TARBP1: variants seen among roughly 807,000 people sequenced by gnomAD.
The protein encoded by TARBP1 is tRNA (guanosine(18)-2'-O)-methyltransferase TARBP1.
Under a neutral mutation model 178.6 loss-of-function variants are expected in TARBP1, and 144 were observed. That is an observed-to-expected ratio of 0.81 (90% CI 0.70 to 0.93). The LOEUF (loss-of-function observed/expected upper bound fraction) is 0.93. TARBP1 is among the 40% of genes least tolerant of loss of function. TARBP1 has a pLI of 0.00. For synonymous variants in TARBP1, 787 were observed against 781.0 expected, an observed-to-expected ratio of 1.01 and a Z score of -0.13; for missense variants, 2,067 against 2,011.7, an observed-to-expected ratio of 1.03 and a Z score of -0.53.
chr1:234,459,131 T>C (rs1015268870), intron 8 of TARBP1, 99 bp downstream of exon 8: 6 of 771,276 alleles, frequency 7.8e-6, no homozygotes, highest in Non-Finnish European at 1.3e-5. Context: ...AAGCAGGCCT[T>C]TCTAATGGCA....
At chr1:234,399,544 A>C (rs199854349) in intron 25 of TARBP1, among the ~76,000 whole-genome samples, 3 of 152,100 alleles carry the variant, frequency 2.0e-5, no homozygotes, top group African/African-American at 7.3e-5. Flanking sequence ...GGGTATATAC[A>C]CAAGGACTAT....
Position 234,478,969 on chromosome 1 carries a change from G to C in TARBP1, c.135C>G (p.Asp45Glu), listed in dbSNP as rs1165488005. ...CGCCCCCGCTGCCGCGCGCCTCCTC[G>C]TCCTCGAGCCGCTGCAGAAGGAAGC... is the stretch of plus-strand genomic sequence containing the variant. ...TLRFLLQRLEDEEARGSGGAG... is the reference protein window; with the variant it reads ...TLRFLLQRLEEEEARGSGGAG... Residue 45 changes from aspartate (D) to glutamate (E), a missense_variant, in exon 1 of 30, where the codon GAC (aspartate) becomes GAG (glutamate). Transcript: ENST00000040877. 3.4e-6 allele frequency: 5 copies of C among 1,470,022 alleles called. No individual in the cohort carries two copies. Among genetic ancestry groups the C allele is most frequent in the African/African-American group, 2.9e-5 (2 of 67,906 alleles). 91.1% of individuals were successfully genotyped at this position (1,470,022 alleles called of 1,614,324 possible). A position where few individuals can be genotyped will look rare whatever the true frequency, so the allele number is the denominator to read the frequency against.
intron 5 of TARBP1, among the ~76,000 whole-genome samples, 187 bp from the exon 6 acceptor site, chr1:234,464,121 C>T (rs1668189174): frequency 6.6e-6 from 1 of 152,144 alleles, no homozygotes; most frequent in Admixed American, 6.5e-5. Flanking sequence ...ACAGAAACAT[C>T]AGGAACTTGT....
At position 234,461,038 on chromosome 1, in the gene TARBP1, G is replaced by A. The variant is rs543378275; in HGVS notation, c.1400-642C>T. On this transcript the variant is annotated intron_variant, in intron 6 of 29. Coordinates refer to ENST00000040877, the MANE Select transcript of TARBP1 (RefSeq NM_005646.4). ...TGGCTGCCAGGAGCTATGGGTAGAA[G>A]AGAATGAGAAGCGACTATTAACACA... 1.2e-3 allele frequency among the ~76,000 whole-genome samples: 181 copies of A among 152,300 alleles called. 1 individual carries two copies. Among genetic ancestry groups the A allele is most frequent in the Non-Finnish European group, 2.1e-3 (141 of 68,026 alleles).
chr1:234,448,476 T>C lies in TARBP1; in HGVS notation c.1961+4A>G. 1.9e-6 allele frequency: 3 copies of C among 1,610,874 alleles called. No individual in the cohort carries two copies. Among genetic ancestry groups the C allele is most frequent in the Non-Finnish European group, 2.5e-6 (3 of 1,177,442 alleles). On this transcript the variant is annotated splice_donor_region_variant and intron_variant, in intron 11 of 29. Transcript: ENST00000040877. ...GCTTTCTTTTCAATTACAGAAACAA[T>C]TACCTATACTGAGTCTTCATTCCTT...
chr1:234,475,411 C>T (rs1669482024), intron 1 of TARBP1, among the ~76,000 whole-genome samples: 1 of 152,208 alleles, frequency 6.6e-6, no homozygotes, highest in African/African-American at 2.4e-5. Flanking sequence ...TGACACTAGG[C>T]GAATGCATCT....
chr1:234,478,496 C>G lies in TARBP1; in HGVS notation c.608G>C (p.Gly203Ala). 1 of 1,391,030 alleles carries G rather than the reference C, an allele frequency of 7.2e-7. No homozygotes were observed. The highest frequency in any genetic ancestry group is 9.3e-7 in the Non-Finnish European group (1 of 1,069,560). The allele number at this position is 1,391,030 out of a possible 1,614,324, so 86.2% of individuals were successfully genotyped here. A position where few individuals can be genotyped will look rare whatever the true frequency, so the allele number is the denominator to read the frequency against. ...GRLLPVLVQC[G>A]GAALRAVWGG... ...CCACACGGCCCGCAGCGCCGCCCCGCCACATTGGACCAGCACTGGCAGCAG... is the reference window on the plus strand; with the variant it reads ...CCACACGGCCCGCAGCGCCGCCCCGGCACATTGGACCAGCACTGGCAGCAG... The change falls in exon 1 of 30, where the codon GGC (glycine) becomes GCC (alanine). Residue 203 changes from glycine (G) to alanine (A), a missense_variant. Physicochemically the swap from Gly to Ala is moderately conservative, Grantham distance 60. Transcript: ENST00000040877.
intron 20 of TARBP1, among the ~76,000 whole-genome samples, chr1:234,422,839 C>T (rs967661856): frequency 6.6e-6 from 1 of 152,172 alleles, no homozygotes; most frequent in Non-Finnish European, 1.5e-5. Flanking sequence ...CAAAATATCT[C>T]ATACACCCCA....
intron 22 of TARBP1, among the ~76,000 whole-genome samples, chr1:234,416,411 CT>C (rs1180912719): frequency 1.3e-5 from 2 of 152,208 alleles, no homozygotes; most frequent in Non-Finnish European, 2.9e-5. Context: ...ATTCTCCTGC[CT>C]CAGCCTCCCA....
At chr1:234,474,326 A>G (rs896081762) in intron 1 of TARBP1, among the ~76,000 whole-genome samples, 6 of 152,016 alleles carry the variant, frequency 3.9e-5, no homozygotes, top group Non-Finnish European at 7.4e-5. Flanking sequence ...ATCCAAAATC[A>G]TAGAAAATCC....
At chr1:234,428,280 T>A (rs900316945) in intron 17 of TARBP1, among the ~76,000 whole-genome samples, 2 of 151,978 alleles carry the variant, frequency 1.3e-5, no homozygotes, top group African/African-American at 4.8e-5. Flanking sequence ...CAAATGAAAA[T>A]ACCTCCAGAA....
chr1:234,473,015 T>C (rs559035289), intron 1 of TARBP1, among the ~76,000 whole-genome samples: 118 of 152,242 alleles, frequency 7.8e-4, no homozygotes, highest in Middle Eastern at 6.8e-3. Context: ...TTTGGAGTTC[T>C]GGGTAAAAAT....
chr1:234,435,434 A>G (rs889047653), intron 13 of TARBP1, among the ~76,000 whole-genome samples: 2 of 152,250 alleles, frequency 1.3e-5, no homozygotes, highest in African/African-American at 4.8e-5. Flanking sequence ...GTGGGCCGAC[A>G]TCATGCCACT....
At chr1:234,406,736 T>C (rs1404905577) in intron 23 of TARBP1, 2 of 152,300 alleles carry the variant, frequency 1.3e-5, no homozygotes, top group Non-Finnish European at 2.9e-5. Context: ...AGCAATCCCT[T>C]GCTTTCTAAA....
At chr1:234,435,807 T>C (rs1397012139) in intron 13 of TARBP1, among the ~76,000 whole-genome samples, 4 of 152,154 alleles carry the variant, frequency 2.6e-5, no homozygotes, top group Non-Finnish European at 5.9e-5. Context: ...CCAGCCAGCA[T>C]CGCAAAGACC....
In TARBP1 at chr1:234,433,497, C is replaced by T. The variant is rs1166005030; in HGVS notation, c.2307G>A (p.Gly769=). The T allele has an allele frequency of 2.5e-6, 4 of 1,613,968 alleles. No homozygotes were observed. The African/African-American group carries it at 4.0e-5, about 16-fold the overall frequency. ...TELINLHLKV[G]WKRGNPIWRV... is the part of the protein sequence containing the mutation. ...TCCAGATAGGGTTACCCCTTTTCCA[C>T]CCAACCTTCAAATGCAGATTTATAA... The change falls in exon 14 of 30, where the codon GGG becomes GGA. Residue 769 remains glycine (G), a synonymous_variant. Transcript: ENST00000040877.
At chr1:234,423,743 T>A (rs1428536314) in intron 20 of TARBP1, among the ~76,000 whole-genome samples, 1 of 148,554 alleles carries the variant, frequency 6.7e-6, no homozygotes, top group Non-Finnish European at 1.5e-5. Context: ...CTCTCTTTTT[T>A]CTGAATTTTT....
intron 6 of TARBP1, among the ~76,000 whole-genome samples, chr1:234,461,494 G>A (rs1175775811): frequency 6.6e-6 from 1 of 152,016 alleles, no homozygotes; most frequent in Admixed American, 6.5e-5. Flanking sequence ...TTTTAGTAGA[G>A]ACGGGGTTTG....
chr1:234,430,754 T>G (rs554130712), intron 14 of TARBP1, among the ~76,000 whole-genome samples: 54 of 152,252 alleles, frequency 3.5e-4, no homozygotes, highest in African/African-American at 1.2e-3. Context: ...TACAAATAAT[T>G]CCTTCTATCA....
Sources: allele counts gnomAD v4.1 joint callset (sites outside exome capture counted in the v4.1 genomes callset), GRCh38; gene constraint gnomAD v4.1.1; transcripts MANE v1.5; gene names NCBI Gene and HGNC (gene_info 2026-07-23, HGNC 2026-07-21).